The following CPA6 variants were observed in gnomAD, a reference collection of about 807,000 sequenced individuals.
CPA6 encodes the protein carboxypeptidase A6.
In CPA6, 58 loss-of-function variants were observed where a neutral mutation model predicts 63.3. That is an observed-to-expected ratio of 0.92 (90% CI 0.74 to 1.14). The LOEUF is 1.14. Ranked by LOEUF, CPA6 falls within the 50% of genes most tolerant of loss-of-function variation. CPA6 has a pLI of 0.00. For missense variants in CPA6, 565 were observed against 526.6 expected (o/e 1.07, Z -0.71); for synonymous variants, 185 against 179.0 (o/e 1.03, Z -0.27).
intron 2 of CPA6, among the ~76,000 whole-genome samples, chr8:67,526,663 AG>A (rs1812370460): frequency 6.6e-6 from 1 of 152,184 alleles, no homozygotes; most frequent in Non-Finnish European, 1.5e-5. Context: ...CTATCAGGCC[AG>A]GTGGTTGGGA....
chr8:67,724,454 G>T (rs1412004391), intron 1 of CPA6, among the ~76,000 whole-genome samples: 2 of 152,160 alleles, frequency 1.3e-5, no homozygotes, highest in Non-Finnish European at 2.9e-5. Flanking sequence ...AGAAAGCTCT[G>T]TACACAAAAC....
intron 1 of CPA6, among the ~76,000 whole-genome samples, chr8:67,681,206 T>TTTTTTTTTC (rs1816587926): frequency 1.9e-5 from 2 of 107,780 alleles, no homozygotes; most frequent in African/African-American, 5.3e-5. Context: ...TTTTCTTTTT[T>TTTTTTTTTC]TTTTTTTTTT....
chr8:67,675,040 TG>T (rs1816438815), intron 1 of CPA6, among the ~76,000 whole-genome samples: 1 of 152,098 alleles, frequency 6.6e-6, no homozygotes, highest in African/African-American at 2.4e-5. Flanking sequence ...AGCAGGGGCA[TG>T]GGTTGAAAAA....
chr8:67,522,898 G>T (rs1470629064), intron 2 of CPA6, among the ~76,000 whole-genome samples: 1 of 152,252 alleles, frequency 6.6e-6, no homozygotes, highest in Non-Finnish European at 1.5e-5. Context: ...GGGCCTGGCG[G>T]CCTGAGTGAG....
At chr8:67,576,592 G>A (rs1395477739) in intron 2 of CPA6, among the ~76,000 whole-genome samples, 1 of 152,212 alleles carries the variant, frequency 6.6e-6, no homozygotes, top group Admixed American at 6.5e-5. Flanking sequence ...AGCAGGGAAT[G>A]TTCATTTTGA....
At position 67,517,921 on chromosome 8, in the gene CPA6, A is replaced by C; in HGVS notation, c.317+2T>G. ...TTATAGCAAGTGAAAAGGAATGCTT[A>C]CTTGTACTGGATGTTGGCTTCCTGT... On this transcript the variant is annotated splice_donor_variant, in intron 3 of 10. Coordinates refer to ENST00000297770, the MANE Select transcript of CPA6 (RefSeq NM_020361.5). LOFTEE classifies it high-confidence loss of function. 6.2e-7 allele frequency: 1 copy of C among 1,604,666 alleles called. No homozygotes were observed. Among genetic ancestry groups the C allele is most frequent in the Non-Finnish European group, 8.5e-7 (1 of 1,176,964 alleles).
chr8:67,624,289 G>A (rs11987279), intron 1 of CPA6, 38 bp from the exon 2 acceptor site: 28,572 of 1,135,168 alleles, frequency 0.025, 1,109 homozygotes, highest in African/African-American at 0.16. Flanking sequence ...ATTACTTTTC[G>A]AAAATAAAGA....
intron 1 of CPA6, among the ~76,000 whole-genome samples, chr8:67,713,089 GTGTGTGTGTGTA>G (rs1458223051): frequency 2.3e-5 from 2 of 88,236 alleles, no homozygotes; most frequent in Non-Finnish European, 4.3e-5. Flanking sequence ...GTGTATGTGT[GTGTGTGTGTGTA>G]TATATATATA....
intron 1 of CPA6, among the ~76,000 whole-genome samples, chr8:67,655,600 G>A (rs1349879957): frequency 6.6e-6 from 1 of 152,082 alleles, no homozygotes; most frequent in Non-Finnish European, 1.5e-5. Flanking sequence ...CAGTATCTGT[G>A]GAAAAAGCAA....
chr8:67,537,362 C>T (rs1812606236), intron 2 of CPA6, among the ~76,000 whole-genome samples: 1 of 152,276 alleles, frequency 6.6e-6, no homozygotes, highest in African/African-American at 2.4e-5. Context: ...ATTACTGCCT[C>T]AATTTCAGAA....
At chr8:67,495,790 C>A (rs946195303) in intron 6 of CPA6, among the ~76,000 whole-genome samples, 2 of 152,086 alleles carry the variant, frequency 1.3e-5, no homozygotes, top group Non-Finnish European at 2.9e-5. Context: ...TGGGCTCAAG[C>A]GATCCTTCCA....
chr8:67,696,436 A>G lies in CPA6; in HGVS notation c.116+49578T>C, dbSNP rs183153993. Among the ~76,000 whole-genome samples the G allele has an allele frequency of 1.5e-3, 227 of 152,314 alleles. 1 individual carries two copies. Among genetic ancestry groups the G allele is most frequent in the African/African-American group, 5.3e-3 (222 of 41,566 alleles). ...GTCATGGAGCATTGTGGGAATTCAA[A>G]ATGGTATAGCTTCTTTGGACAGTTT... On this transcript the variant is annotated intron_variant, in intron 1 of 10. Coordinates refer to ENST00000297770, the MANE Select transcript of CPA6 (RefSeq NM_020361.5).
chr8:67,485,929 G>A (rs1348988234), intron 6 of CPA6, among the ~76,000 whole-genome samples: 3 of 152,172 alleles, frequency 2.0e-5, no homozygotes, highest in Admixed American at 6.5e-5. Flanking sequence ...AGAATCTGAT[G>A]AGTCTGGTAG....
At chr8:67,503,351 C>T (rs1811865595) in intron 6 of CPA6, among the ~76,000 whole-genome samples, 1 of 151,910 alleles carries the variant, frequency 6.6e-6, no homozygotes, top group African/African-American at 2.4e-5. Context: ...GGCTGGAGTG[C>T]AGTAGCATCA....
intron 8 of CPA6, 117 bp from the exon 9 acceptor site, chr8:67,434,357 A>T: frequency 1.2e-6 from 1 of 805,404 alleles, no homozygotes. Context: ...TGGTATTATT[A>T]AGCAATTCAT....
intron 2 of CPA6, among the ~76,000 whole-genome samples, chr8:67,618,895 T>C (rs956994663): frequency 6.6e-6 from 1 of 152,222 alleles, no homozygotes; most frequent in Non-Finnish European, 1.5e-5. Flanking sequence ...ATTTAAATCA[T>C]GGTTATGCTC....
chr8:67,504,171 T>C (rs1035016931), intron 6 of CPA6, among the ~76,000 whole-genome samples: 2 of 152,178 alleles, frequency 1.3e-5, no homozygotes, highest in African/African-American at 4.8e-5. Context: ...TCCAACTGTG[T>C]GCACATAACA....
intron 2 of CPA6, among the ~76,000 whole-genome samples, chr8:67,573,093 C>G (rs950485302): frequency 2.6e-5 from 4 of 152,174 alleles, no homozygotes; most frequent in Non-Finnish European, 5.9e-5. Context: ...TAAAACCACT[C>G]AACAAATTAG....
At chr8:67,725,634 C>T (rs1563409756) in intron 1 of CPA6, among the ~76,000 whole-genome samples, 1 of 152,158 alleles carries the variant, frequency 6.6e-6, no homozygotes, top group African/African-American at 2.4e-5. Flanking sequence ...GATCCTCTCA[C>T]CTCTGCCTCT....
Sources: allele counts gnomAD v4.1 joint callset (sites outside exome capture counted in the v4.1 genomes callset), GRCh38; gene constraint gnomAD v4.1.1; transcripts MANE v1.5; gene names NCBI Gene and HGNC (gene_info 2026-07-23, HGNC 2026-07-21).